Variants in XPO4 observed in about 807,000 individuals in gnomAD.
XPO4 encodes exportin-4.
In XPO4, 39 loss-of-function variants were observed where a neutral mutation model predicts 143.0. The ratio of observed to expected loss-of-function variants is 0.27; its 90% CI spans 0.21 to 0.36. The LOEUF (loss-of-function observed/expected upper bound fraction) is 0.36. XPO4 is among the 10% of genes least tolerant of loss of function. The probability of loss-of-function intolerance (pLI) is 1.00; values close to 1 mark genes in which losing one functional copy is unlikely to be tolerated. For missense variants in XPO4, 907 were observed against 1,348.0 expected, an observed-to-expected ratio of 0.67 and a Z score of 5.12; for synonymous variants, 439 against 474.0, an observed-to-expected ratio of 0.93 and a Z score of 0.96.
At chr13:20,837,710 T>C (rs1377397105) in intron 6 of XPO4, among the ~76,000 whole-genome samples, 1 of 152,154 alleles carries the variant, frequency 6.6e-6, no homozygotes, top group Non-Finnish European at 1.5e-5. Context: ...GGAACAATCA[T>C]GGCAGAAGGC....
intron 7 of XPO4, among the ~76,000 whole-genome samples, chr13:20,824,258 CTT>C (rs920672456): frequency 2.8e-5 from 4 of 141,354 alleles, no homozygotes; most frequent in African/African-American, 1.3e-4. Context: ...ACAACTCACT[CTT>C]ATAAGTTCTT....
intron 3 of XPO4, chr13:20,856,368 T>A: frequency 1.0e-6 from 1 of 985,362 alleles, no homozygotes; most frequent in Non-Finnish European, 1.2e-6. Flanking sequence ...TGTTCCTCCA[T>A]GTGATGACAG....
intron 3 of XPO4, chr13:20,857,792 G>T (rs2060159455): frequency 1.1e-6 from 1 of 940,896 alleles, no homozygotes; most frequent in Admixed American, 6.2e-5. Flanking sequence ...CAATGCTGCA[G>T]AGTTAAGTGG....
Position 20,779,294 on chromosome 13 carries a change from A to T in XPO4, c.*4428T>A, listed in dbSNP as rs1010054163. The stretch of plus-strand genomic sequence containing the variant: ...ATACCAACATTTGCAATTTGTAATA[A>T]TTTTATGTGGTAAAAGACACCACAC... On this transcript the variant is annotated 3_prime_UTR_variant, in exon 23 of 23. Transcript: ENST00000255305. 3.3e-5 allele frequency: 5 copies of T among 152,602 alleles called. No individual in the cohort carries two copies. The highest frequency in any genetic ancestry group is 1.2e-4 in the African/African-American group (5 of 41,436). The allele number at this position is 152,602 out of a possible 1,614,324, so 9.5% of individuals were successfully genotyped here. A position where few individuals can be genotyped will look rare whatever the true frequency, so the allele number is the denominator to read the frequency against.
chr13:20,894,300 G>A (rs2060547269), intron 1 of XPO4, among the ~76,000 whole-genome samples: 1 of 151,978 alleles, frequency 6.6e-6, no homozygotes, highest in African/African-American at 2.4e-5. Context: ...TCAGAATAAA[G>A]TTTATTAGTT....
At chr13:20,851,767 T>A in intron 4 of XPO4, 1 of 981,030 alleles carries the variant, frequency 1.0e-6, no homozygotes, top group South Asian at 4.7e-5. Flanking sequence ...AATTTGACTT[T>A]AAAAAAAACT....
intron 4 of XPO4, chr13:20,851,070 T>C (rs1371577342): frequency 2.3e-5 from 23 of 985,240 alleles, no homozygotes; most frequent in Middle Eastern, 5.2e-4. Flanking sequence ...TACAGAGGTT[T>C]TAATCATCTT....
chr13:20,876,353 C>T (rs2060353770), intron 1 of XPO4, among the ~76,000 whole-genome samples: 1 of 146,624 alleles, frequency 6.8e-6, no homozygotes, highest in African/African-American at 2.5e-5. Context: ...TTTTGAAAAA[C>T]GGTATTAGAG....
At chr13:20,851,698 A>T in intron 4 of XPO4, 1 of 881,506 alleles carries the variant, frequency 1.1e-6, no homozygotes, top group East Asian at 1.2e-4. Flanking sequence ...CAACAGAGCA[A>T]GACCCGGTCT....
rs189143009 is a variant in XPO4, at chr13:20,860,422, C to T, written c.317+2295G>A. Among the ~76,000 whole-genome samples, 38 of 152,236 alleles carry T rather than the reference C, an allele frequency of 2.5e-4. No individual in the cohort carries two copies. The East Asian group carries it at 6.0e-3, about 24-fold the overall frequency. ...ATCATAATTGATTTCAAAATATTTT[C>T]GTAGGGTAAAGAAAAATACCAAAAC... is the stretch of plus-strand genomic sequence containing the variant. On this transcript the variant is annotated intron_variant, in intron 3 of 22. Coordinates refer to ENST00000255305, the MANE Select transcript of XPO4 (RefSeq NM_022459.5).
intron 13 of XPO4, among the ~76,000 whole-genome samples, chr13:20,804,333 T>C (rs781503128): frequency 8.2e-6 from 1 of 121,334 alleles, no homozygotes; most frequent in Non-Finnish European, 1.9e-5. Context: ...AGGAACTTCC[T>C]GCTCTGTCTA....
intron 4 of XPO4, chr13:20,848,830 GT>G: frequency 1.0e-6 from 1 of 985,146 alleles, no homozygotes; most frequent in Non-Finnish European, 1.2e-6. Context: ...ATTTTAATAT[GT>G]CAAACAAGTA....
chr13:20,833,395 A>G (rs1406098676), intron 6 of XPO4, among the ~76,000 whole-genome samples: 3 of 152,168 alleles, frequency 2.0e-5, no homozygotes, highest in African/African-American at 7.2e-5. Flanking sequence ...ATGCTCTGAT[A>G]TAAATCCAGA....
intron 4 of XPO4, chr13:20,849,408 A>T: frequency 1.0e-6 from 1 of 984,770 alleles, no homozygotes; most frequent in Non-Finnish European, 1.2e-6. Flanking sequence ...GATTTAACGT[A>T]TGCCTACTGC....
In XPO4 at chr13:20,868,654, G is replaced by A; in HGVS notation, c.117C>T (p.His39=). The A allele has an allele frequency of 1.2e-6, 2 of 1,613,234 alleles. No homozygotes were observed. The highest frequency in any genetic ancestry group is 1.7e-6 in the Non-Finnish European group (2 of 1,179,570). ...TTGATTTCCTAAATGATAAGAATAT[G>A]TGCTCTGCATGCTGGCGTTGTTCAT... The part of the protein sequence containing the change: ...VNNEQRQHAE[H]IFLSFRKSKS... The change falls in exon 2 of 23, where the codon CAC becomes CAT. Residue 39 remains histidine, a synonymous_variant. Transcript: ENST00000255305.
chr13:20,807,281 T>C (rs1278184502), intron 13 of XPO4, among the ~76,000 whole-genome samples, 176 bp downstream of exon 13: 1 of 152,228 alleles, frequency 6.6e-6, no homozygotes, highest in African/African-American at 2.4e-5. Flanking sequence ...AGAGTGGCAC[T>C]GCCTAAATAT....
chr13:20,881,986 C>T (rs1566624640), intron 1 of XPO4, among the ~76,000 whole-genome samples: 1 of 151,286 alleles, frequency 6.6e-6, no homozygotes, highest in East Asian at 2.0e-4. Flanking sequence ...AGTGTATGCC[C>T]GTAGTCCTCG....
chr13:20,879,366 G>C (rs1370919430), intron 1 of XPO4: 1 of 952,926 alleles, frequency 1.0e-6, no homozygotes, highest in African/African-American at 1.8e-5. Flanking sequence ...CTTAACAATA[G>C]ATGGAAGAGC....
At chr13:20,842,669 A>G (rs905134993) in intron 6 of XPO4, among the ~76,000 whole-genome samples, 1 of 152,240 alleles carries the variant, frequency 6.6e-6, no homozygotes, top group Non-Finnish European at 1.5e-5. Flanking sequence ...GTTTCTATGT[A>G]TTCAAACTTC....
Sources: gnomAD v4.1 joint callset for allele counts (sites outside exome capture counted in the v4.1 genomes callset) on GRCh38, gnomAD v4.1.1 for gene constraint, MANE v1.5 for transcripts, NCBI Gene and HGNC (gene_info 2026-07-23, HGNC 2026-07-21) for gene names.